MUC7: variants seen among roughly 807,000 people sequenced by gnomAD.
MUC7 encodes the protein mucin 7, secreted.
MUC7 carries 2 observed loss-of-function variants against 2.5 expected under a neutral mutation model. The observed-to-expected ratio is 0.81, with a 90% CI of 0.33 to 2.55. MUC7 has a LOEUF of 2.55. Ranked by LOEUF, MUC7 falls within the 30% of genes most tolerant of loss-of-function variation. MUC7 has a pLI of 0.11. For synonymous variants in MUC7, 133 were observed against 173.4 expected, an observed-to-expected ratio of 0.77 and a Z score of 1.83; for missense variants, 408 against 455.6, an observed-to-expected ratio of 0.90 and a Z score of 0.95.
intron 1 of MUC7, among the ~76,000 whole-genome samples, chr4:70,458,354 G>A (rs1005452517): frequency 2.0e-5 from 3 of 152,104 alleles, no homozygotes; most frequent in Admixed American, 1.3e-4. Context: ...TAGGAATAGT[G>A]CACAGGTGAT....
upstream of MUC7, chr4:70,471,994 T>C (rs2109738087): frequency 6.6e-6 from 1 of 152,280 alleles, no homozygotes; most frequent in South Asian, 2.1e-4. Context: ...AAGTTACTCA[T>C]TGAGAACCTC....
chr4:70,477,569 T>A (rs985383058), intron 2 of MUC7, among the ~76,000 whole-genome samples: 3 of 152,148 alleles, frequency 2.0e-5, no homozygotes, highest in Non-Finnish European at 4.4e-5. Flanking sequence ...TTGCTGCAAG[T>A]GCCATGTGTC....
chr4:70,456,177 T>A (rs1225145373), intron 1 of MUC7, among the ~76,000 whole-genome samples: 1 of 152,174 alleles, frequency 6.6e-6, no homozygotes, highest in Non-Finnish European at 1.5e-5. Context: ...TTTTCAAATA[T>A]CTTTATAGCA....
rs879135475 is a variant in MUC7, at chr4:70,481,598, C to A, written c.854C>A (p.Pro285His). Residue 285 changes from proline to histidine, a missense_variant, in exon 3 of 3, where the codon CCC becomes CAC. This residue lies in a region of MUC7 where 175 missense variants were observed against 187.1 expected (regional missense o/e 0.94). Transcript: ENST00000304887. ...SAPPETTAAPPTPSATTPAPP... is the reference protein window; with the variant it reads ...SAPPETTAAPHTPSATTPAPP... ...CCACCAGAGACCACAGCTGCCCCAC[C>A]CACACCTTCTGCAACTACACCAGCT... is the stretch of plus-strand genomic sequence containing the variant. 6.2e-7 allele frequency: 1 copy of A among 1,612,726 alleles called. No individual in the cohort carries two copies. The highest frequency in any genetic ancestry group is 2.2e-5 in the East Asian group (1 of 44,868).
At chr4:70,438,449 T>A (rs1057293975) in intron 1 of MUC7, among the ~76,000 whole-genome samples, 9 of 151,954 alleles carry the variant, frequency 5.9e-5, no homozygotes, top group Non-Finnish European at 1.3e-4. Flanking sequence ...TGTTTTGTTT[T>A]GTTTTGTTTT....
chr4:70,479,852 T>C (rs1718818627), intron 2 of MUC7, among the ~76,000 whole-genome samples: 1 of 152,222 alleles, frequency 6.6e-6, no homozygotes, highest in African/African-American at 2.4e-5. Flanking sequence ...GATGGAAATC[T>C]TCATGAAGAA....
At chr4:70,455,471 T>C (rs1245485355) in intron 1 of MUC7, among the ~76,000 whole-genome samples, 1 of 152,228 alleles carries the variant, frequency 6.6e-6, no homozygotes, top group Non-Finnish European at 1.5e-5. Context: ...CACTCTATCC[T>C]TTAAATGTTT....
chr4:70,453,310 G>C (rs912862422), intron 1 of MUC7, among the ~76,000 whole-genome samples: 9 of 152,240 alleles, frequency 5.9e-5, no homozygotes, highest in African/African-American at 2.2e-4. Flanking sequence ...TGCTGTTCTA[G>C]TGTAGTGCAG....
intron 1 of MUC7, among the ~76,000 whole-genome samples, chr4:70,463,085 A>G (rs1165883424): frequency 6.6e-6 from 1 of 152,184 alleles, no homozygotes; most frequent in East Asian, 1.9e-4. Context: ...TTCTACTCTT[A>G]ACTCCAGATT....
At position 70,481,883 on chromosome 4, in the gene MUC7, T is replaced by C. The variant is rs754089691; in HGVS notation, c.*5T>C. 15 of 1,611,344 alleles carry C rather than the reference T, an allele frequency of 9.3e-6. No individual in the cohort carries two copies. The highest frequency in any genetic ancestry group is 1.3e-5 in the Non-Finnish European group (15 of 1,178,690). On this transcript the variant is annotated 3_prime_UTR_variant, in exon 3 of 3. Transcript: ENST00000304887. ...GACGACATGGTGGAGCAATAGTATA[T>C]TGTATGTTGTAAAGTGTTCTGTCAT...
chr4:70,432,193 C>T (rs981450534), intron 1 of MUC7, among the ~76,000 whole-genome samples: 21 of 152,042 alleles, frequency 1.4e-4, no homozygotes, highest in East Asian at 3.9e-4. Context: ...TTGCGAATAG[C>T]GCCACAATAA....
At chr4:70,444,731 C>T (rs1292277244) in intron 1 of MUC7, among the ~76,000 whole-genome samples, 1 of 152,176 alleles carries the variant, frequency 6.6e-6, no homozygotes, top group Non-Finnish European at 1.5e-5. Flanking sequence ...ACTTATTCTA[C>T]TACTATCAGT....
At chr4:70,439,300 G>C (rs1027030951) in intron 1 of MUC7, among the ~76,000 whole-genome samples, 9 of 152,202 alleles carry the variant, frequency 5.9e-5, no homozygotes, top group African/African-American at 1.9e-4. Context: ...GATTGTGAGG[G>C]AGAATAAGGT....
chr4:70,432,843 TAAG>T (rs1193844008), intron 1 of MUC7, among the ~76,000 whole-genome samples: 1 of 152,210 alleles, frequency 6.6e-6, no homozygotes, highest in Non-Finnish European at 1.5e-5. Flanking sequence ...GGTTTTCTTC[TAAG>T]GTTTTTATGG....
At chr4:70,447,580 T>G (rs1734176711) in intron 1 of MUC7, among the ~76,000 whole-genome samples, 1 of 152,190 alleles carries the variant, frequency 6.6e-6, no homozygotes, top group Non-Finnish European at 1.5e-5. Context: ...TTATATACCA[T>G]AGACATGTCA....
At chr4:70,454,196 C>G (rs970522858) in intron 1 of MUC7, among the ~76,000 whole-genome samples, 1 of 152,120 alleles carries the variant, frequency 6.6e-6, no homozygotes, top group Non-Finnish European at 1.5e-5. Context: ...TGGGTCTGAG[C>G]CCAACACAGC....
intron 2 of MUC7, among the ~76,000 whole-genome samples, chr4:70,474,354 A>T (rs1734930539): frequency 6.6e-6 from 1 of 151,960 alleles, no homozygotes; most frequent in Non-Finnish European, 1.5e-5. Flanking sequence ...CACAACAACA[A>T]CAACAACAAA....
chr4:70,435,075 T>A (rs1367484223), intron 1 of MUC7, among the ~76,000 whole-genome samples: 1 of 152,198 alleles, frequency 6.6e-6, no homozygotes, highest in Non-Finnish European at 1.5e-5. Flanking sequence ...TAAGAGACAG[T>A]TTGTTGTGAT....
intron 2 of MUC7, 126 bp downstream of exon 2, chr4:70,474,201 C>A: frequency 1.3e-6 from 1 of 745,964 alleles, no homozygotes; most frequent in South Asian, 1.7e-5. Context: ...CTTTTATTTC[C>A]AGGAAACCTA....
Sources: gnomAD v4.1 joint callset for allele counts (sites outside exome capture counted in the v4.1 genomes callset) on GRCh38, gnomAD v4.1.1 for gene constraint, gnomAD v4.1.1 regional missense constraint, MANE v1.5 for transcripts, NCBI Gene and HGNC (gene_info 2026-07-23, HGNC 2026-07-21) for gene names.